The following CNTNAP2 variants were observed in gnomAD, a reference collection of about 807,000 sequenced individuals.
CNTNAP2 encodes the protein contactin-associated protein-like 2.
In CNTNAP2, 98 loss-of-function variants were observed where a neutral mutation model predicts 155.2. The observed-to-expected ratio is 0.63, with a 90% confidence interval of 0.54 to 0.75. The LOEUF (loss-of-function observed/expected upper bound fraction) is 0.75, where lower values mean the gene tolerates loss of function less well. Ranked by LOEUF, CNTNAP2 falls within the 30% of genes least tolerant of loss-of-function variation. CNTNAP2 has a pLI of 0.00. For synonymous variants in CNTNAP2, 651 were observed against 631.2 expected (o/e 1.03, Z -0.47); for missense variants, 1,727 against 1,688.1 (o/e 1.02, Z -0.40).
chr7:146,120,535 G>A (rs534237514), intron 1 of CNTNAP2, among the ~76,000 whole-genome samples: 49 of 152,132 alleles, frequency 3.2e-4, no homozygotes, highest in African/African-American at 1.1e-3. Context: ...AACCTACAAC[G>A]TATCATTTTA....
intron 13 of CNTNAP2, among the ~76,000 whole-genome samples, chr7:147,896,442 A>G (rs189340450): frequency 6.3e-4 from 96 of 152,314 alleles, no homozygotes; most frequent in African/African-American, 2.1e-3. Flanking sequence ...GCAGGAGACC[A>G]GAGTTTTATT....
chr7:147,539,875 A>G (rs1472140009), intron 11 of CNTNAP2, among the ~76,000 whole-genome samples: 1 of 152,148 alleles, frequency 6.6e-6, no homozygotes, highest in East Asian at 1.9e-4. Context: ...GTATTTCAAG[A>G]CCATGTGATG....
chr7:147,172,986 TATTG>T (rs1207665065), intron 8 of CNTNAP2, among the ~76,000 whole-genome samples: 1 of 152,122 alleles, frequency 6.6e-6, no homozygotes, highest in Non-Finnish European at 1.5e-5. Context: ...AAAGAATACA[TATTG>T]ATTGTCAGCA....
chr7:146,315,154 A>G (rs1355750516), intron 1 of CNTNAP2, among the ~76,000 whole-genome samples: 2 of 152,132 alleles, frequency 1.3e-5, no homozygotes, highest in Non-Finnish European at 2.9e-5. Context: ...AACTGCTGTG[A>G]AGCCAAACCC....
intron 1 of CNTNAP2, among the ~76,000 whole-genome samples, chr7:146,175,324 G>A (rs1011145093): frequency 6.6e-6 from 1 of 152,208 alleles, no homozygotes; most frequent in Non-Finnish European, 1.5e-5. Context: ...AGAAGGCTAA[G>A]AGGCAGTTTT....
At chr7:146,404,456 C>G (rs1010927920) in intron 1 of CNTNAP2, among the ~76,000 whole-genome samples, 1 of 152,156 alleles carries the variant, frequency 6.6e-6, no homozygotes, top group Non-Finnish European at 1.5e-5. Context: ...CTCCCCAGTT[C>G]AAGCTTAGTT....
intron 1 of CNTNAP2, among the ~76,000 whole-genome samples, chr7:146,193,728 C>T (rs138993096): frequency 1.6e-3 from 247 of 152,318 alleles, no homozygotes; most frequent in African/African-American, 5.7e-3. Flanking sequence ...ACTTTTGGCT[C>T]CTTGTTACTT....
At chr7:146,839,273 AT>A (rs1387280414) in intron 2 of CNTNAP2, among the ~76,000 whole-genome samples, 2 of 152,130 alleles carry the variant, frequency 1.3e-5, no homozygotes, top group Non-Finnish European at 2.9e-5. Context: ...CACAAGAAAA[AT>A]ATATTTTAGA....
intron 1 of CNTNAP2, among the ~76,000 whole-genome samples, chr7:146,250,845 A>G (rs802521): frequency 1.3e-5 from 2 of 152,042 alleles, no homozygotes; most frequent in South Asian, 4.1e-4. Flanking sequence ...TAGCATTTAA[A>G]TGGGGCTTAA....
At chr7:147,682,983 G>A (rs916827236) in intron 13 of CNTNAP2, among the ~76,000 whole-genome samples, 9 of 151,784 alleles carry the variant, frequency 5.9e-5, no homozygotes, top group Non-Finnish European at 8.8e-5. Context: ...ACACAAACAC[G>A]ATGAAGGAAT....
At chr7:146,944,864 C>A (rs549224222) in intron 3 of CNTNAP2, among the ~76,000 whole-genome samples, 1 of 149,842 alleles carries the variant, frequency 6.7e-6, no homozygotes, top group Middle Eastern at 3.5e-3. Flanking sequence ...GGCGACAGTG[C>A]GAGACTCCGT....
chr7:147,215,732 A>G (rs965400291), intron 8 of CNTNAP2, among the ~76,000 whole-genome samples: 1 of 152,154 alleles, frequency 6.6e-6, no homozygotes, highest in Non-Finnish European at 1.5e-5. Context: ...GGATCATACC[A>G]TAAGAGTATG....
At chr7:147,145,375 A>G (rs1041862508) in intron 8 of CNTNAP2, among the ~76,000 whole-genome samples, 4 of 152,142 alleles carry the variant, frequency 2.6e-5, no homozygotes, top group African/African-American at 9.7e-5. Flanking sequence ...CACAATGAAT[A>G]GAGGCCAAAA....
intron 4 of CNTNAP2, among the ~76,000 whole-genome samples, chr7:147,083,591 C>G (rs1480684924): frequency 1.4e-5 from 2 of 143,798 alleles, no homozygotes; most frequent in East Asian, 2.0e-4. Flanking sequence ...TATATATACA[C>G]ACACACGTCT....
At chr7:146,409,005 A>C (rs1795831278) in intron 1 of CNTNAP2, among the ~76,000 whole-genome samples, 1 of 152,144 alleles carries the variant, frequency 6.6e-6, no homozygotes, top group Admixed American at 6.5e-5. Context: ...TATATATATA[A>C]TAATCTCATC....
intron 2 of CNTNAP2, among the ~76,000 whole-genome samples, chr7:146,783,374 T>C (rs1802522246): frequency 6.6e-6 from 1 of 152,226 alleles, no homozygotes; most frequent in Admixed American, 6.5e-5. Context: ...CCTCCCCAAA[T>C]GAATGAGAGT....
chr7:147,045,443 T>C (rs773318888), intron 4 of CNTNAP2, among the ~76,000 whole-genome samples: 1 of 152,152 alleles, frequency 6.6e-6, no homozygotes. Context: ...GGCAATAGTG[T>C]TATGTGCAAA....
At chr7:146,878,622 T>A (rs73742603) in intron 3 of CNTNAP2, among the ~76,000 whole-genome samples, 2,341 of 152,238 alleles carry the variant, frequency 0.015, 57 homozygotes, top group African/African-American at 0.052. Flanking sequence ...CTAACTCTTT[T>A]AATTGCCAGG....
At chr7:147,174,729 G>A (rs1802301013) in intron 8 of CNTNAP2, among the ~76,000 whole-genome samples, 1 of 152,082 alleles carries the variant, frequency 6.6e-6, no homozygotes, top group African/African-American at 2.4e-5. Flanking sequence ...GAATGTGAAA[G>A]ATGTTATTTT....
Sources: gnomAD v4.1 joint callset for allele counts (sites outside exome capture counted in the v4.1 genomes callset) on GRCh38, gnomAD v4.1.1 for gene constraint, MANE v1.5 for transcripts, NCBI Gene and HGNC (gene_info 2026-07-23, HGNC 2026-07-21) for gene names.